The following ESCO1 variants were observed in gnomAD, a reference collection of about 807,000 sequenced individuals.
ESCO1 encodes the protein N-acetyltransferase ESCO1.
A neutral mutation model predicts 83.5 loss-of-function variants in ESCO1; 33 were observed. That is an observed-to-expected ratio of 0.40 (90% CI 0.30 to 0.53). The LOEUF is 0.53. ESCO1 is among the 20% of genes least tolerant of loss of function. The probability of loss-of-function intolerance (pLI) is 0.63; values close to 1 mark genes in which losing one functional copy is unlikely to be tolerated. For synonymous variants in ESCO1, 332 were observed against 324.3 expected, an observed-to-expected ratio of 1.02 and a Z score of -0.25; for missense variants, 855 against 968.0, an observed-to-expected ratio of 0.88 and a Z score of 1.55.
At chr18:21,553,177 C>T (rs1342255440) in intron 8 of ESCO1, among the ~76,000 whole-genome samples, 1 of 152,052 alleles carries the variant, frequency 6.6e-6, no homozygotes, top group Admixed American at 6.6e-5. Flanking sequence ...GTGGTCCCAG[C>T]TACTAGGAAG....
Position 21,573,997 on chromosome 18 carries a change from A to T in ESCO1, c.847T>A (p.Ser283Thr). The change falls in exon 4 of 12, where the codon TCA becomes ACA. Residue 283 changes from serine to threonine, a missense_variant. By Grantham distance (58) the Ser-to-Thr change is moderately conservative (BLOSUM62 1). Around this residue, in one of 2 missense-constraint regions of ESCO1, gnomAD observed 726 missense variants for 699.5 expected, o/e 1.04. Transcript: ENST00000269214. ...NTTLPKSPQPSVPEQSDNELE... is the reference protein window; with the variant it reads ...NTTLPKSPQPTVPEQSDNELE... ...TCATTATCACTTTGTTCAGGCACTGATGGCTGTGGACTTTTTGGGAGTGTT... is the reference window on the plus strand; with the variant it reads ...TCATTATCACTTTGTTCAGGCACTGTTGGCTGTGGACTTTTTGGGAGTGTT... The T allele has an allele frequency of 6.2e-7, 1 of 1,613,702 alleles. No individual in the cohort carries two copies. Among genetic ancestry groups the T allele is most frequent in the East Asian group, 2.2e-5 (1 of 44,862 alleles).
intron 8 of ESCO1, among the ~76,000 whole-genome samples, chr18:21,556,845 C>T (rs945882239): frequency 1.3e-5 from 2 of 152,072 alleles, no homozygotes; most frequent in African/African-American, 4.8e-5. Flanking sequence ...GGATTACAGG[C>T]GCGTGCCACC....
At chr18:21,588,995 G>A (rs2658448) in intron 1 of ESCO1, among the ~76,000 whole-genome samples, 149,900 of 152,330 alleles carry the variant, frequency 0.98, 73,798 homozygotes, top group East Asian at 1. Flanking sequence ...TAAGCCCAGC[G>A]CTTTGGGAGG....
At chr18:21,546,980 C>T (rs964266906) in intron 8 of ESCO1, among the ~76,000 whole-genome samples, 4 of 152,154 alleles carry the variant, frequency 2.6e-5, no homozygotes, top group African/African-American at 9.7e-5. Context: ...TAATGGAATA[C>T]TTTTATTTGC....
rs1442188530 is a variant in ESCO1 at position 21,532,647 on chromosome 18, A to G, written c.2201T>C (p.Ile734Thr). 2 of 1,614,032 alleles carry G rather than the reference A, an allele frequency of 1.2e-6. No homozygotes were observed. Among genetic ancestry groups the G allele is most frequent in the Non-Finnish European group, 1.7e-6 (2 of 1,179,976 alleles). ...AEHIQWGYRV[I>T]EEKLPVIRSE... is the part of the protein sequence containing the mutation. ...CCTGATAACTGGAAGTTTCTCTTCT[A>G]TAACTCTGTAGCCCTACAGGTGTCA... Residue 734 changes from isoleucine (I) to threonine (T), a missense_variant, in exon 11 of 12, where the codon ATA (isoleucine) becomes ACA (threonine). Around this residue, in one of 2 missense-constraint regions of ESCO1, gnomAD observed 129 missense variants for 268.5 expected, o/e 0.48. Coordinates refer to ENST00000269214, the MANE Select transcript of ESCO1 (RefSeq NM_052911.3).
intron 4 of ESCO1, among the ~76,000 whole-genome samples, chr18:21,572,777 C>G (rs1450057856): frequency 3.9e-5 from 6 of 151,996 alleles, no homozygotes; most frequent in Non-Finnish European, 7.4e-5. Flanking sequence ...CCAGCCTGAT[C>G]AACATGGAGA....
intron 11 of ESCO1, among the ~76,000 whole-genome samples, chr18:21,530,821 T>C (rs2037758319): frequency 6.6e-6 from 1 of 152,168 alleles, no homozygotes; most frequent in Non-Finnish European, 1.5e-5. Context: ...CTGAAAACTG[T>C]TCCTCAAAGA....
chr18:21,536,652 C>A (rs372431149), intron 9 of ESCO1, among the ~76,000 whole-genome samples: 14 of 151,682 alleles, frequency 9.2e-5, no homozygotes, highest in African/African-American at 2.2e-4. Context: ...GTTTTTTAAC[C>A]CCTTTGGAAC....
In ESCO1 at chr18:21,553,086, T is replaced by G. The variant is rs576584609; in HGVS notation, c.1953+7773A>C. On this transcript the variant is annotated intron_variant, in intron 8 of 11. Coordinates refer to ENST00000269214, the MANE Select transcript of ESCO1 (RefSeq NM_052911.3). ...AAGAGAACTGATTGAGCTCAGGAGTTTGTGACCAAGCTGGGCAATATAGGG... is the reference window on the plus strand; with the variant it reads ...AAGAGAACTGATTGAGCTCAGGAGTGTGTGACCAAGCTGGGCAATATAGGG... Among the ~76,000 whole-genome samples the G allele has an allele frequency of 2.0e-5, 3 of 152,250 alleles. No individual in the cohort carries two copies. In the South Asian group the frequency reaches 6.2e-4, roughly 32 times the overall value.
intron 2 of ESCO1, among the ~76,000 whole-genome samples, chr18:21,580,619 G>A (rs2038488341): frequency 6.6e-6 from 1 of 152,148 alleles, no homozygotes; most frequent in Non-Finnish European, 1.5e-5. Flanking sequence ...AAATGAGACT[G>A]CACATGTGTG....
intron 1 of ESCO1, among the ~76,000 whole-genome samples, chr18:21,589,561 C>T (rs758743270): frequency 3.3e-5 from 5 of 152,022 alleles, no homozygotes; most frequent in Non-Finnish European, 7.4e-5. Context: ...CCTCTCAATC[C>T]CAACATAATT....
chr18:21,551,794 A>G (rs1048481888), intron 8 of ESCO1, among the ~76,000 whole-genome samples: 6 of 152,192 alleles, frequency 3.9e-5, no homozygotes, highest in African/African-American at 1.4e-4. Context: ...TCAGCTGGAG[A>G]GAGACACCTA....
intron 2 of ESCO1, among the ~76,000 whole-genome samples, chr18:21,579,545 G>T (rs1344795752): frequency 3.3e-5 from 5 of 151,812 alleles, no homozygotes; most frequent in Non-Finnish European, 7.4e-5. Flanking sequence ...GCCAAGGCAG[G>T]TGAATCACGA....
intron 2 of ESCO1, among the ~76,000 whole-genome samples, chr18:21,579,794 GCACACA>G (rs765904584): frequency 0.091 from 3,364 of 37,142 alleles, 226 homozygotes; most frequent in African/African-American, 0.16. Context: ...ACGCGCGCGC[GCACACA>G]CACACACACA....
Position 21,540,709 on chromosome 18 carries a change from AAAAAC to A in ESCO1, c.1954-705_1954-701del, listed in dbSNP as rs756025222. The stretch of plus-strand genomic sequence containing the variant: ...TGATTAATGAGCAGAACCTGCATAA[AAAAAC>A]AAAACAAAACAAAAGCCACTTAAAT... On this transcript the variant is annotated intron_variant, in intron 8 of 11. Transcript: ENST00000269214. 26 of 1,272,742 alleles carry A rather than the reference AAAAAC, an allele frequency of 2.0e-5. 1 individual carries two copies. The South Asian group carries it at 2.6e-4, about 13-fold the overall frequency. The allele number at this position is 1,272,742 out of a possible 1,614,324, so 78.8% of individuals were successfully genotyped here. A position where few individuals can be genotyped will look rare whatever the true frequency, so the allele number is the denominator to read the frequency against.
intron 2 of ESCO1, among the ~76,000 whole-genome samples, chr18:21,583,925 G>A (rs2038538648): frequency 6.6e-6 from 1 of 152,118 alleles, no homozygotes; most frequent in Non-Finnish European, 1.5e-5. Context: ...GAACCATGAC[G>A]AAGAAACATT....
chr18:21,552,619 G>A (rs750351499), intron 8 of ESCO1, among the ~76,000 whole-genome samples: 7 of 152,112 alleles, frequency 4.6e-5, no homozygotes, highest in Admixed American at 3.3e-4. Flanking sequence ...GCGTGAGAAC[G>A]GACTAATACA....
rs2038394056 is a variant in ESCO1, at chr18:21,574,612, T to G, written c.232A>C (p.Lys78Gln). ...TTTTTATTAATGGATTTAGTAGCTTTATCATTAGATGCTGCCTTTGATGAC... is the reference window on the plus strand; with the variant it reads ...TTTTTATTAATGGATTTAGTAGCTTGATCATTAGATGCTGCCTTTGATGAC... ...TRSSKAASND[K>Q]ATKSINKNTV... Residue 78 changes from lysine (K) to glutamine (Q), a missense_variant, in exon 4 of 12, where the codon AAA becomes CAA. This residue lies in a region of ESCO1 where 726 missense variants were observed against 699.5 expected (regional missense o/e 1.04). Transcript: ENST00000269214. 1 of 1,614,080 alleles carries G rather than the reference T, an allele frequency of 6.2e-7. No homozygotes were observed. The highest frequency in any genetic ancestry group is 1.3e-5 in the African/African-American group (1 of 75,062).
chr18:21,585,455 T>C (rs1411562105), intron 1 of ESCO1, among the ~76,000 whole-genome samples: 1 of 152,176 alleles, frequency 6.6e-6, no homozygotes, highest in African/African-American at 2.4e-5. Flanking sequence ...CATTGAATTG[T>C]CCTGGCCCCT....
Sources: allele counts gnomAD v4.1 joint callset (sites outside exome capture counted in the v4.1 genomes callset), GRCh38; gene constraint gnomAD v4.1.1; regional missense constraint gnomAD v4.1.1; transcripts MANE v1.5; gene names NCBI Gene and HGNC (gene_info 2026-07-23, HGNC 2026-07-21).